The following AKR7A2 variants were observed in gnomAD, a reference collection of about 807,000 sequenced individuals.
AKR7A2 encodes aflatoxin B1 aldehyde reductase member 2.
Under a neutral mutation model 37.3 loss-of-function variants are expected in AKR7A2, and 29 were observed. The observed-to-expected ratio is 0.78, with a 90% CI of 0.58 to 1.06. The LOEUF is 1.06. AKR7A2 is among the 50% of genes least tolerant of loss of function. AKR7A2 has a pLI of 0.00. For missense variants in AKR7A2, 529 were observed against 497.9 expected (o/e 1.06, Z -0.59); for synonymous variants, 228 against 217.8 (o/e 1.05, Z -0.41).
At chr1:19,305,867 C>A in intron 6 of AKR7A2, 151 bp downstream of exon 6, 1 of 1,286,130 alleles carries the variant, frequency 7.8e-7, no homozygotes, top group East Asian at 2.4e-5. Context: ...CACTCAGATA[C>A]CATCAAAGAC....
At chr1:19,308,424 C>T (rs768846234) in intron 2 of AKR7A2, 31 bp downstream of exon 2, 1 of 1,610,904 alleles carries the variant, frequency 6.2e-7, no homozygotes, top group Admixed American at 1.7e-5. Context: ...GGAGCAGGAG[C>T]CCACCTTTGG....
chr1:19,305,618 T>C (rs547117588), intron 6 of AKR7A2, among the ~76,000 whole-genome samples: 16 of 152,320 alleles, frequency 1.1e-4, no homozygotes, highest in African/African-American at 3.8e-4. Flanking sequence ...GGATTACAGG[T>C]GTGGGTCACT....
chr1:19,307,212 A>G (rs2093763243), intron 4 of AKR7A2, 102 bp downstream of exon 4: 2 of 1,590,264 alleles, frequency 1.3e-6, no homozygotes, highest in South Asian at 1.1e-5. Flanking sequence ...GCTGAAGAAC[A>G]CAGCCCAGCC....
rs1479124387 is a variant in AKR7A2 at position 19,311,909 on chromosome 1, G to A, written c.216C>T (p.Asp72=). ...GGCCGTCGCTGTACATGAAGGCCGT[G>A]TCCAGTTCGGTGTGGCCGCGCTCCA... ...AFLERGHTEL[D]TAFMYSDGQS... Residue 72 remains aspartate (D), a synonymous_variant, in exon 1 of 7, where the codon GAC becomes GAT. Transcript: ENST00000235835. 6.2e-7 allele frequency: 1 copy of A among 1,610,324 alleles called. No individual in the cohort carries two copies. The highest frequency in any genetic ancestry group is 8.5e-7 in the Non-Finnish European group (1 of 1,179,276).
chr1:19,308,022 C>T (rs753785532), intron 3 of AKR7A2, 136 bp downstream of exon 3: 6 of 1,123,202 alleles, frequency 5.3e-6, no homozygotes, highest in Non-Finnish European at 8.0e-6. Flanking sequence ...CCTGAGGGTA[C>T]ATGGGAGCCA....
rs779128312 is a variant in AKR7A2 at position 19,312,071 on chromosome 1, AAGCGCGCAGTGGACGGCGGCGCGG to A, written c.30_53del (p.Ala12_Arg19del). 1 of 1,355,048 alleles carries A rather than the reference AAGCGCGCAGTGGACGGCGGCGCGG, an allele frequency of 7.4e-7. No homozygotes were observed. Among genetic ancestry groups the A allele is most frequent in the South Asian group, 1.9e-5 (1 of 52,698 alleles). The allele number at this position is 1,355,048 out of a possible 1,614,324, so 83.9% of individuals were successfully genotyped here. On this transcript the variant is annotated inframe_deletion, in exon 1 of 7. Coordinates refer to ENST00000235835, the MANE Select transcript of AKR7A2 (RefSeq NM_003689.4). ...CGCGGGCCTCGGGCGGCGGAGAGCG[AAGCGCGCAGTGGACGGCGGCGCGG>A]GAGACTACGCGAGACGCGGCACTCA...
rs2093777570 is a variant in AKR7A2, at chr1:19,311,954, G to C, written c.171C>G (p.Ala57=). The part of the protein sequence containing the change: ...MGRRMDAPAS[A]AAVRAFLERG... ...GCTCCAGAAAGGCGCGCACGGCCGC[G>C]GCGCTGGCGGGCGCGTCCATGCGGC... Residue 57 remains alanine (A), a synonymous_variant, in exon 1 of 7, where the codon GCC becomes GCG. Coordinates refer to ENST00000235835, the MANE Select transcript of AKR7A2 (RefSeq NM_003689.4). 4 of 1,580,524 alleles carry C rather than the reference G, an allele frequency of 2.5e-6. No individual in the cohort carries two copies. The highest frequency in any genetic ancestry group is 3.4e-6 in the Non-Finnish European group (4 of 1,164,672).
At chr1:19,309,772 A>C (rs376280852) in intron 1 of AKR7A2, among the ~76,000 whole-genome samples, 113 of 152,224 alleles carry the variant, frequency 7.4e-4, no homozygotes, top group African/African-American at 2.5e-3. Flanking sequence ...AAAAATAAAA[A>C]TTAAAAAAGA....
chr1:19,312,146 G>A (rs2093778849), upstream of AKR7A2: 5 of 1,258,928 alleles, frequency 4.0e-6, no homozygotes, highest in Non-Finnish European at 5.0e-6. Flanking sequence ...CTGCGCGTTG[G>A]GAGCCGGGGG....
At chr1:19,311,002 C>T (rs898542725) in intron 1 of AKR7A2, among the ~76,000 whole-genome samples, 1 of 152,250 alleles carries the variant, frequency 6.6e-6, no homozygotes, top group African/African-American at 2.4e-5. Flanking sequence ...TCCTTTCACA[C>T]ATCACGCACA....
chr1:19,303,972 G>T lies in AKR7A2; in HGVS notation c.*253C>A. The T allele has an allele frequency of 1.7e-6, 1 of 572,726 alleles. No individual in the cohort carries two copies. The highest frequency in any genetic ancestry group is 2.0e-5 in the South Asian group (1 of 49,586). The allele number at this position is 572,726 out of a possible 1,614,324, so 35.5% of individuals were successfully genotyped here. A position where few individuals can be genotyped will look rare whatever the true frequency, so the allele number is the denominator to read the frequency against. ...AACAGCAGAGAAAGCAAGTTTTTGG[G>T]GTTCACTCAAGACCTAGGCTACAGC... is the stretch of plus-strand genomic sequence containing the variant. On this transcript the variant is annotated 3_prime_UTR_variant, in exon 7 of 7. Transcript: ENST00000235835.
chr1:19,307,590 T>C (rs1255899755), intron 3 of AKR7A2, 180 bp from the exon 4 acceptor site: 2 of 669,054 alleles, frequency 3.0e-6, no homozygotes, highest in Non-Finnish European at 5.4e-6. Context: ...TGAAGTGGAA[T>C]GGTATCTTTC....
At chr1:19,306,965 A>T in intron 5 of AKR7A2, 37 bp downstream of exon 5, 1 of 1,578,330 alleles carries the variant, frequency 6.3e-7, no homozygotes, top group Non-Finnish European at 8.7e-7. Context: ...ATTTGACCCC[A>T]CCCCAGCCAT....
At position 19,308,249 on chromosome 1, in the gene AKR7A2, T is replaced by C; in HGVS notation, c.500A>G (p.Glu167Gly). The C allele has an allele frequency of 6.2e-7, 1 of 1,614,102 alleles. No individual in the cohort carries two copies. The highest frequency in any genetic ancestry group is 8.5e-7 in the Non-Finnish European group (1 of 1,179,998). Residue 167 changes from glutamate (E) to glycine (G), a missense_variant, in exon 3 of 7, where the codon GAG (glutamate) becomes GGG (glycine). Transcript: ENST00000235835. ...QRLHQEGKFV[E>G]LGLSNYASWE... ...GCTAGCATAGTTGGAGAGGCCAAGC[T>C]CCACGAACTTGCCCTGCATGGGTGA...
Position 19,306,070 on chromosome 1 carries a change from G to A in AKR7A2, c.866C>T (p.Pro289Leu). ...ALQAAYGASA[P>L]SVTSAALRWM... ...CCGGAGGGCAGCCGAGGTCACACTG[G>A]GGGCGCTGGCGCCATATGCGGCCTG... The change falls in exon 6 of 7, where the codon CCC becomes CTC. Residue 289 changes from proline (P) to leucine (L), a missense_variant. Physicochemically the swap from Pro to Leu is moderately conservative, Grantham distance 98. Coordinates refer to ENST00000235835, the MANE Select transcript of AKR7A2 (RefSeq NM_003689.4). 1 of 1,614,160 alleles carries A rather than the reference G, an allele frequency of 6.2e-7. No individual in the cohort carries two copies.
In AKR7A2 at chr1:19,304,229, C is replaced by A. The variant is rs765069207; in HGVS notation, c.1076G>T (p.Arg359Leu). ...LVAHECPNYF[R>L] Reference sequence around the variant, plus strand: ...GCAGCCTGAGCCATGATGGGCCTAGCGGAAGTAGTTGGGACATTCGTGAGC... The same window carrying A: ...GCAGCCTGAGCCATGATGGGCCTAGAGGAAGTAGTTGGGACATTCGTGAGC... Residue 359 changes from arginine (R) to leucine (L), a missense_variant, in exon 7 of 7, where the codon CGC becomes CTC. By Grantham distance (102) the Arg-to-Leu change is moderately radical. Coordinates refer to ENST00000235835, the MANE Select transcript of AKR7A2 (RefSeq NM_003689.4). 4 of 1,614,058 alleles carry A rather than the reference C, an allele frequency of 2.5e-6. No homozygotes were observed. The highest frequency in any genetic ancestry group is 3.4e-6 in the Non-Finnish European group (4 of 1,180,044).
downstream of AKR7A2, chr1:19,303,954 G>T: frequency 5.8e-6 from 3 of 517,828 alleles, no homozygotes. Context: ...GTTAACAGCA[G>T]AGAAAGCAAG....
chr1:19,310,920 T>C (rs950277073), intron 1 of AKR7A2, among the ~76,000 whole-genome samples: 3 of 152,118 alleles, frequency 2.0e-5, no homozygotes, highest in African/African-American at 7.2e-5. Flanking sequence ...TCCCAAGGGC[T>C]ATCAAGGGCA....
rs1300969434 is a variant in AKR7A2, at chr1:19,308,479, A to T, written c.462T>A (p.His154Gln). The change falls in exon 2 of 7, where the codon CAT (histidine) becomes CAA (glutamine). Residue 154 changes from histidine to glutamine, a missense_variant. Physicochemically the swap from His to Gln is conservative, Grantham distance 24. Coordinates refer to ENST00000235835, the MANE Select transcript of AKR7A2 (RefSeq NM_003689.4). ...CCTCCTGGTGCAGCCGCTGGCAGGCATGCAGCGTCTCTTCCACCGGGGTGC... is the reference window on the plus strand; with the variant it reads ...CCTCCTGGTGCAGCCGCTGGCAGGCTTGCAGCGTCTCTTCCACCGGGGTGC... The part of the protein sequence containing the change: ...DHGTPVEETL[H>Q]ACQRLHQEGK... The T allele has an allele frequency of 1.1e-5, 18 of 1,614,080 alleles. No homozygotes were observed. Among genetic ancestry groups the T allele is most frequent in the Non-Finnish European group, 1.5e-5 (18 of 1,180,020 alleles).
Sources: allele counts gnomAD v4.1 joint callset (sites outside exome capture counted in the v4.1 genomes callset), GRCh38; gene constraint gnomAD v4.1.1; transcripts MANE v1.5; gene names NCBI Gene and HGNC (gene_info 2026-07-23, HGNC 2026-07-21).